The following PELI2 variants were observed in gnomAD, a reference collection of about 807,000 sequenced individuals.
The protein encoded by PELI2 is pellino E3 ubiquitin protein ligase family member 2.
A neutral mutation model predicts 42.3 loss-of-function variants in PELI2; 23 were observed. The observed-to-expected ratio is 0.54, with a 90% CI of 0.39 to 0.77. The LOEUF is 0.77. Ranked by LOEUF, PELI2 falls within the 30% of genes least tolerant of loss-of-function variation. The pLI, the probability that PELI2 is intolerant of heterozygous loss-of-function variation, is 0.00. For missense variants in PELI2, 463 were observed against 553.2 expected (o/e 0.84, Z 1.64); for synonymous variants, 245 against 212.2 (o/e 1.15, Z -1.34).
intron 5 of PELI2, among the ~76,000 whole-genome samples, chr14:56,294,986 C>A (rs1379362374): frequency 6.6e-6 from 1 of 152,158 alleles, no homozygotes; most frequent in Non-Finnish European, 1.5e-5. Flanking sequence ...CCTCATCTGC[C>A]ATTTCTCCTG....
chr14:56,264,448 A>G (rs987542916), intron 2 of PELI2, among the ~76,000 whole-genome samples: 1 of 152,204 alleles, frequency 6.6e-6, no homozygotes, highest in African/African-American at 2.4e-5. Flanking sequence ...AGATTTCCCA[A>G]TACATAGATG....
chr14:56,277,465 C>T lies in PELI2; in HGVS notation c.208-2211C>T, dbSNP rs1889334988. On this transcript the variant is annotated intron_variant, in intron 2 of 5. Coordinates refer to ENST00000267460, the MANE Select transcript of PELI2 (RefSeq NM_021255.3). ...TTGCAGGAAAACAAGCTCAGGGCTC[C>T]CACTGATTCAACATTATGGTGAGTT... Among the ~76,000 whole-genome samples, 2 of 151,744 alleles carry T rather than the reference C, an allele frequency of 1.3e-5. 1 individual carries two copies. The highest frequency in any genetic ancestry group is 1.3e-4 in the Admixed American group (2 of 15,206).
intron 1 of PELI2, chr14:56,119,878 A>G (rs1883000024): frequency 3.1e-6 from 3 of 981,572 alleles, no homozygotes; most frequent in South Asian, 9.4e-5. Flanking sequence ...CTTAGCACAC[A>G]TATGAGGAGT....
intron 2 of PELI2, among the ~76,000 whole-genome samples, chr14:56,205,373 C>G (rs1001302367): frequency 6.6e-6 from 1 of 152,070 alleles, no homozygotes; most frequent in Non-Finnish European, 1.5e-5. Flanking sequence ...GTGAACGAGT[C>G]TTGCTTAAGT....
At chr14:56,170,310 T>G (rs1203375398) in intron 1 of PELI2, among the ~76,000 whole-genome samples, 1 of 152,204 alleles carries the variant, frequency 6.6e-6, no homozygotes, top group Non-Finnish European at 1.5e-5. Context: ...TTCAGGCTAG[T>G]TAAGATAAAC....
chr14:56,118,674 GC>G lies in PELI2; in HGVS notation c.16del (p.Gln6ArgfsTer12). On this transcript the variant is annotated frameshift_variant, in exon 1 of 6. Coordinates refer to ENST00000267460, the MANE Select transcript of PELI2 (RefSeq NM_021255.3). LOFTEE classifies it high-confidence loss of function. ...GAGCGGGGCTCCATGTTTTCCCCTGGCCAGGAGGAACACTGCGCCCCCAATA... is the reference window on the plus strand; with the variant it reads ...GAGCGGGGCTCCATGTTTTCCCCTGGCAGGAGGAACACTGCGCCCCCAATA... MFSP[G>X]QEEHCAPNKE... 2 of 1,497,696 alleles carry G rather than the reference GC, an allele frequency of 1.3e-6. No individual in the cohort carries two copies. Among genetic ancestry groups the G allele is most frequent in the East Asian group, 2.9e-5 (1 of 35,002 alleles). 92.8% of individuals were successfully genotyped at this position (1,497,696 alleles called of 1,614,324 possible). A position where few individuals can be genotyped will look rare whatever the true frequency, so the allele number is the denominator to read the frequency against.
chr14:56,152,589 C>T (rs1384714144), intron 1 of PELI2, among the ~76,000 whole-genome samples: 1 of 152,078 alleles, frequency 6.6e-6, no homozygotes, highest in South Asian at 2.1e-4. Flanking sequence ...TAAGTCTGTC[C>T]TGCACAGGTC....
intron 1 of PELI2, among the ~76,000 whole-genome samples, chr14:56,122,842 T>G (rs1277079792): frequency 1.3e-4 from 20 of 152,232 alleles, no homozygotes; most frequent in Admixed American, 1.3e-3. Flanking sequence ...GAAGTGCACA[T>G]GTGTATAGCA....
chr14:56,290,133 A>G lies in PELI2; in HGVS notation c.508-135A>G, dbSNP rs115377241. On this transcript the variant is annotated intron_variant, in intron 4 of 5. Transcript: ENST00000267460. The stretch of plus-strand genomic sequence containing the variant: ...GGCATATGTTATCCTTGTGATTATT[A>G]GCTTTAAATAGAAAATGAAAATTCA... 2.9e-3 allele frequency: 1,775 copies of G among 607,122 alleles called. 30 individuals carry two copies. Among genetic ancestry groups the G allele is most frequent in the African/African-American group, 0.029 (1,581 of 55,252 alleles). The allele number at this position is 607,122 out of a possible 1,614,324, so 37.6% of individuals were successfully genotyped here.
rs1227971846 is a variant in PELI2, at chr14:56,179,029, A to G, written c.207+565A>G. Among the ~76,000 whole-genome samples the G allele has an allele frequency of 3.9e-5, 6 of 152,196 alleles. No individual in the cohort carries two copies. In the South Asian group the frequency reaches 1.2e-3, roughly 32 times the overall value. ...GACCAAGTGATAAAAGAGGCCGACT[A>G]TACATATTTTTTTCTCATAATTTTG... is the stretch of plus-strand genomic sequence containing the variant. On this transcript the variant is annotated intron_variant, in intron 2 of 5. Coordinates refer to ENST00000267460, the MANE Select transcript of PELI2 (RefSeq NM_021255.3).
intron 2 of PELI2, among the ~76,000 whole-genome samples, chr14:56,272,371 G>A (rs566632186): frequency 9.2e-5 from 14 of 152,308 alleles, no homozygotes; most frequent in South Asian, 6.2e-4. Context: ...ATACACACAC[G>A]CATGCACACC....
At position 56,165,389 on chromosome 14, in the gene PELI2, G is replaced by A. The variant is rs184907816; in HGVS notation, c.78-12946G>A. Among the ~76,000 whole-genome samples, 31 of 152,188 alleles carry A rather than the reference G, an allele frequency of 2.0e-4. No individual in the cohort carries two copies. The East Asian group carries it at 5.8e-3, about 28-fold the overall frequency. Reference sequence around the variant, plus strand: ...TTATTCCATTGTGATCAGATAAGATGTTTGATATTTCAAATTTTTTGAATG... The same window carrying A: ...TTATTCCATTGTGATCAGATAAGATATTTGATATTTCAAATTTTTTGAATG... On this transcript the variant is annotated intron_variant, in intron 1 of 5. Coordinates refer to ENST00000267460, the MANE Select transcript of PELI2 (RefSeq NM_021255.3).
chr14:56,280,383 A>T (rs1458205803), intron 3 of PELI2, among the ~76,000 whole-genome samples: 1 of 152,044 alleles, frequency 6.6e-6, no homozygotes, highest in Non-Finnish European at 1.5e-5. Context: ...AAAAGAGCAG[A>T]AGGAAGGAAA....
chr14:56,205,206 G>C, intron 2 of PELI2, among the ~76,000 whole-genome samples: 1 of 152,102 alleles, frequency 6.6e-6, no homozygotes. Context: ...GAGAAGTTAC[G>C]GGTACATGCT....
At chr14:56,242,624 G>C (rs1373977200) in intron 2 of PELI2, among the ~76,000 whole-genome samples, 2 of 152,124 alleles carry the variant, frequency 1.3e-5, no homozygotes, top group Non-Finnish European at 2.9e-5. Flanking sequence ...TCAGTGAGTG[G>C]ATAAAGAAAA....
At chr14:56,275,105 A>C (rs1889244368) in intron 2 of PELI2, among the ~76,000 whole-genome samples, 2 of 152,218 alleles carry the variant, frequency 1.3e-5, no homozygotes, top group African/African-American at 4.8e-5. Context: ...TTTGACATTC[A>C]TTGAATGCCT....
intron 2 of PELI2, among the ~76,000 whole-genome samples, chr14:56,195,016 A>G (rs761173940): frequency 1.3e-5 from 2 of 152,234 alleles, no homozygotes; most frequent in South Asian, 4.1e-4. Context: ...TTCACTTCCC[A>G]TTGATGAGAA....
intron 2 of PELI2, among the ~76,000 whole-genome samples, chr14:56,200,496 A>G (rs138660643): frequency 9.9e-4 from 151 of 152,302 alleles, no homozygotes; most frequent in African/African-American, 3.4e-3. Context: ...ACCACACTCT[A>G]CTGCCTTCGT....
intron 1 of PELI2, among the ~76,000 whole-genome samples, chr14:56,139,377 G>A (rs1057084447): frequency 6.6e-6 from 1 of 152,102 alleles, no homozygotes; most frequent in African/African-American, 2.4e-5. Flanking sequence ...TATGAAAATT[G>A]ATTGATTTTT....
Sources: gnomAD v4.1 joint callset for allele counts (sites outside exome capture counted in the v4.1 genomes callset) on GRCh38, gnomAD v4.1.1 for gene constraint, MANE v1.5 for transcripts, NCBI Gene and HGNC (gene_info 2026-07-23, HGNC 2026-07-21) for gene names.